CLCN7: variants seen among roughly 807,000 people sequenced by gnomAD.
CLCN7 encodes the protein H(+)/Cl(-) exchange transporter 7.
CLCN7 carries 60 observed loss-of-function variants against 102.1 expected under a neutral mutation model. The observed-to-expected ratio is 0.59, with a 90% CI of 0.48 to 0.73. The LOEUF (loss-of-function observed/expected upper bound fraction) is 0.73, where lower values mean the gene tolerates loss of function less well. Ranked by LOEUF, CLCN7 falls within the 30% of genes least tolerant of loss-of-function variation. The probability of loss-of-function intolerance (pLI) is 0.00; values close to 1 mark genes in which losing one functional copy is unlikely to be tolerated. For missense variants in CLCN7, 962 were observed against 1,125.7 expected (o/e 0.85, Z 2.08); for synonymous variants, 560 against 490.5 (o/e 1.14, Z -1.87).
intron 14 of CLCN7, 28 bp downstream of exon 14, chr16:1,453,806 C>T (rs199624855): frequency 3.5e-5 from 56 of 1,611,214 alleles, no homozygotes; most frequent in Middle Eastern, 1.6e-4. Flanking sequence ...CGCCTGCCAA[C>T]GCGATATGCA....
At chr16:1,452,197 C>T (rs918788455) in intron 15 of CLCN7, 2 of 258,870 alleles carry the variant, frequency 7.7e-6, no homozygotes, top group Non-Finnish European at 1.5e-5. Context: ...ACGTCTCTAA[C>T]GGTTCACACC....
chr16:1,454,921 G>A (rs990170741), intron 12 of CLCN7, among the ~76,000 whole-genome samples: 1 of 152,230 alleles, frequency 6.6e-6, no homozygotes, highest in East Asian at 1.9e-4. Context: ...GACATCCCAG[G>A]TGCCCTGCTG....
At chr16:1,447,307 C>T in intron 23 of CLCN7, 85 bp downstream of exon 23, 1 of 1,395,480 alleles carries the variant, frequency 7.2e-7, no homozygotes, top group South Asian at 1.3e-5. Flanking sequence ...GTGGCCCCCC[C>T]CGGCTGCCCC....
intron 1 of CLCN7, 44 bp downstream of exon 1, chr16:1,474,790 G>T: frequency 7.9e-7 from 1 of 1,264,008 alleles, no homozygotes; most frequent in Non-Finnish European, 1.0e-6. Flanking sequence ...GCTGCGGGGC[G>T]CACGAGGGCT....
chr16:1,452,897 G>C lies in CLCN7; in HGVS notation c.1215-4C>G. On this transcript the variant is annotated splice_polypyrimidine_tract_variant and splice_region_variant and intron_variant, in intron 14 of 24. Transcript: ENST00000382745. ...CAGGCAGGGCCGGTGGATGTACCTG[G>C]AACCAAGAATCAGGCTGCATGGCAG... 6.4e-7 allele frequency: 1 copy of C among 1,564,746 alleles called. No individual in the cohort carries two copies. The highest frequency in any genetic ancestry group is 1.4e-5 in the African/African-American group (1 of 73,668).
At chr16:1,458,837 C>T (rs534193073) in intron 7 of CLCN7, among the ~76,000 whole-genome samples, 57 of 152,350 alleles carry the variant, frequency 3.7e-4, no homozygotes, top group Non-Finnish European at 5.6e-4. Context: ...GTCACAGACG[C>T]GTCGCACAGC....
intron 7 of CLCN7, 22 bp downstream of exon 7, chr16:1,459,085 G>A (rs769302618): frequency 6.3e-7 from 1 of 1,598,924 alleles, no homozygotes; most frequent in Admixed American, 1.7e-5. Context: ...ACCCTGCCCA[G>A]CCAGGGCCAC....
At chr16:1,462,437 G>A (rs561835204) in intron 2 of CLCN7, among the ~76,000 whole-genome samples, 12 of 131,356 alleles carry the variant, frequency 9.1e-5, no homozygotes, top group East Asian at 9.0e-4. Context: ...GTGCAGTGAC[G>A]CGATCTCAAC....
intron 24 of CLCN7, 22 bp downstream of exon 24, chr16:1,446,984 C>T (rs1384853504): frequency 6.4e-7 from 1 of 1,559,924 alleles, no homozygotes; most frequent in African/African-American, 1.4e-5. Context: ...GGCATGCCTG[C>T]ACCCCCACCG....
Position 1,461,777 on chromosome 16 carries a change from G to T in CLCN7, c.214-103C>A, listed in dbSNP as rs549221777. The T allele has an allele frequency of 4.7e-5, 46 of 976,874 alleles. 1 individual carries two copies. The highest frequency in any genetic ancestry group is 6.8e-5 in the Non-Finnish European group (42 of 619,694). The allele number at this position is 976,874 out of a possible 1,614,324, so 60.5% of individuals were successfully genotyped here. On this transcript the variant is annotated intron_variant, in intron 2 of 24. Coordinates refer to ENST00000382745, the MANE Select transcript of CLCN7 (RefSeq NM_001287.6). The stretch of plus-strand genomic sequence containing the variant: ...AGGCCATTATCATCCCGACACCAAG[G>T]ACAAGGACACAGCAAGAGAACTGCA...
intron 10 of CLCN7, 35 bp from the exon 11 acceptor site, chr16:1,455,830 GACACAGGGC>G (rs2038827114): frequency 6.2e-7 from 1 of 1,606,836 alleles, no homozygotes; most frequent in South Asian, 1.1e-5. Context: ...GTGCCAGCTG[GACACAGGGC>G]ACCATGCCCA....
rs559180526 is a variant in CLCN7 at position 1,449,548 on chromosome 16, G to A, written c.1618-221C>T. 3 of 605,300 alleles carry A rather than the reference G, an allele frequency of 5.0e-6. No individual in the cohort carries two copies. In the South Asian group the frequency reaches 5.8e-5, roughly 12 times the overall value. The allele number at this position is 605,300 out of a possible 1,614,324, so 37.5% of individuals were successfully genotyped here. A position where few individuals can be genotyped will look rare whatever the true frequency, so the allele number is the denominator to read the frequency against. Reference sequence around the variant, plus strand: ...CGCTCAGCACCCGAGCAACAGGGGAGTGGCAGGCATGGAGGATGCAGAGGG... The same window carrying A: ...CGCTCAGCACCCGAGCAACAGGGGAATGGCAGGCATGGAGGATGCAGAGGG... On this transcript the variant is annotated intron_variant, in intron 17 of 24. Coordinates refer to ENST00000382745, the MANE Select transcript of CLCN7 (RefSeq NM_001287.6).
rs964264070 is a variant in CLCN7, at chr16:1,448,907, G to T, written c.1797+59C>A. The T allele has an allele frequency of 3.7e-6, 6 of 1,607,102 alleles. No homozygotes were observed. The African/African-American group carries it at 4.0e-5, about 11-fold the overall frequency. ...ACCGGCTGTTTGGAGGCTCACAGGG[G>T]CCCCTCCCCTATGGCAGCACCCACG... On this transcript the variant is annotated intron_variant, in intron 19 of 24. Transcript: ENST00000382745.
chr16:1,472,978 G>A (rs897111198), intron 1 of CLCN7, among the ~76,000 whole-genome samples: 2 of 150,220 alleles, frequency 1.3e-5, no homozygotes, highest in Non-Finnish European at 3.0e-5. Context: ...ATTTTGCCCA[G>A]GCTGGTCTTG....
intron 1 of CLCN7, 93 bp from the exon 2 acceptor site, chr16:1,465,431 G>C: frequency 8.5e-7 from 1 of 1,170,360 alleles, no homozygotes; most frequent in Non-Finnish European, 1.2e-6. Flanking sequence ...GGCCTCGCCT[G>C]ACCCTGCCCG....
intron 9 of CLCN7, 115 bp from the exon 10 acceptor site, chr16:1,456,321 G>A (rs770813742): frequency 3.0e-5 from 23 of 769,078 alleles, no homozygotes; most frequent in South Asian, 1.2e-4. Flanking sequence ...CAGGACAACC[G>A]AGTCAGCAGC....
At position 1,451,704 on chromosome 16, in the gene CLCN7, C is replaced by A; in HGVS notation, c.1366G>T (p.Asp456Tyr). ...MSYPLQLFCA[D>Y]GEYNSMAAAF... ...GCAGCCATGGAGTTGTACTCGCCAT[C>A]TGCACAAAAGAGCTGTGGGGTCGGG... is the stretch of plus-strand genomic sequence containing the variant. The change falls in exon 16 of 25, where the codon GAT becomes TAT. Residue 456 changes from aspartate to tyrosine, a missense_variant. This residue lies in a region of CLCN7 where 799 missense variants were observed against 988.0 expected (regional missense o/e 0.81). Coordinates refer to ENST00000382745, the MANE Select transcript of CLCN7 (RefSeq NM_001287.6). 1 of 1,612,652 alleles carries A rather than the reference C, an allele frequency of 6.2e-7. No homozygotes were observed. The highest frequency in any genetic ancestry group is 8.5e-7 in the Non-Finnish European group (1 of 1,179,878).
rs563842931 is a variant in CLCN7 at position 1,460,665 on chromosome 16, G to A, written c.485-138C>T. 102 of 1,324,308 alleles carry A rather than the reference G, an allele frequency of 7.7e-5. No individual in the cohort carries two copies. In the South Asian group the frequency reaches 1.0e-3, roughly 13 times the overall value. 82.0% of individuals were successfully genotyped at this position (1,324,308 alleles called of 1,614,324 possible). On this transcript the variant is annotated intron_variant, in intron 5 of 24. Coordinates refer to ENST00000382745, the MANE Select transcript of CLCN7 (RefSeq NM_001287.6). The stretch of plus-strand genomic sequence containing the variant: ...GATGTTCACTGGACATCCCAGAGAC[G>A]TCTCACGGCCCAACCATGACAGGGA...
chr16:1,460,777 C>G, intron 5 of CLCN7, 39 bp downstream of exon 5: 1 of 1,613,542 alleles, frequency 6.2e-7, no homozygotes, highest in Non-Finnish European at 8.5e-7. Context: ...CAGGCCACGC[C>G]CCCCTCCCAA....
Sources: allele counts gnomAD v4.1 joint callset (sites outside exome capture counted in the v4.1 genomes callset), GRCh38; gene constraint gnomAD v4.1.1; regional missense constraint gnomAD v4.1.1; transcripts MANE v1.5; gene names NCBI Gene and HGNC (gene_info 2026-07-23, HGNC 2026-07-21).